Variants in EIF4G3 observed in about 807,000 individuals in gnomAD.
The protein encoded by EIF4G3 is eukaryotic translation initiation factor 4 gamma 3, also known as eIF-4-gamma 3.
EIF4G3 carries 34 observed loss-of-function variants against 186.4 expected under a neutral mutation model. The ratio of observed to expected loss-of-function variants is 0.18; its 90% confidence interval spans 0.14 to 0.24. The LOEUF is 0.24. Ranked by LOEUF, EIF4G3 falls within the 10% of genes least tolerant of loss-of-function variation. EIF4G3 has a pLI of 1.00. For synonymous variants in EIF4G3, 673 were observed against 679.5 expected (o/e 0.99, Z 0.15); for missense variants, 1,536 against 1,948.5 (o/e 0.79, Z 3.99).
At chr1:20,925,739 C>T (rs141870817) in intron 14 of EIF4G3, among the ~76,000 whole-genome samples, 52 of 152,320 alleles carry the variant, frequency 3.4e-4, no homozygotes, top group Admixed American at 5.9e-4. Flanking sequence ...TCTCTGTTGC[C>T]AAGGCTGATC....
At chr1:20,961,260 G>A (rs2096562918) in intron 12 of EIF4G3, among the ~76,000 whole-genome samples, 1 of 152,054 alleles carries the variant, frequency 6.6e-6, no homozygotes, top group South Asian at 2.1e-4. Flanking sequence ...GTGCATGCCT[G>A]TAATCCCAGC....
intron 20 of EIF4G3, among the ~76,000 whole-genome samples, chr1:20,869,440 C>A (rs1479782787): frequency 6.7e-6 from 1 of 149,640 alleles, no homozygotes; most frequent in African/African-American, 2.5e-5. Context: ...GGATTATAGG[C>A]ATGTGTCACT....
chr1:21,079,688 G>T (rs12037830), intron 3 of EIF4G3, among the ~76,000 whole-genome samples: 2 of 104,932 alleles, frequency 1.9e-5, no homozygotes, highest in Admixed American at 2.0e-4. Context: ...TGTCGCAAAA[G>T]AAAAAAAAAA....
intron 2 of EIF4G3, among the ~76,000 whole-genome samples, chr1:21,106,065 T>TC (rs1389490748): frequency 6.7e-6 from 1 of 149,806 alleles, no homozygotes; most frequent in Non-Finnish European, 1.5e-5. Flanking sequence ...AGACCCTGTC[T>TC]CTTTTTTTTT....
intron 12 of EIF4G3, among the ~76,000 whole-genome samples, chr1:20,967,171 G>A (rs1264451460): frequency 6.6e-6 from 1 of 152,126 alleles, no homozygotes; most frequent in Non-Finnish European, 1.5e-5. Context: ...AACCAAGCTT[G>A]GAAAGTTACA....
At chr1:21,157,362 GT>G (rs904825467) in intron 2 of EIF4G3, among the ~76,000 whole-genome samples, 8 of 150,496 alleles carry the variant, frequency 5.3e-5, no homozygotes, top group Admixed American at 2.7e-4. Context: ...TTTTCTTGTA[GT>G]TTTTTTTTGT....
intron 32 of EIF4G3, among the ~76,000 whole-genome samples, chr1:20,826,543 G>A (rs376617862): frequency 3.1e-5 from 4 of 128,036 alleles, no homozygotes; most frequent in Admixed American, 9.3e-5. Context: ...AGGCTGGAGC[G>A]CAGTGGCATG....
intron 3 of EIF4G3, among the ~76,000 whole-genome samples, chr1:21,078,900 G>A (rs554388174): frequency 5.9e-5 from 9 of 152,266 alleles, no homozygotes; most frequent in South Asian, 2.1e-4. Context: ...CAGGAGAATC[G>A]CTTGAACCCA....
intron 2 of EIF4G3, among the ~76,000 whole-genome samples, chr1:21,129,303 GAAACTCTATCTCAA>G (rs1326545991): frequency 1.4e-5 from 2 of 143,750 alleles, no homozygotes; most frequent in Non-Finnish European, 3.0e-5. Context: ...CAACAAGAGC[GAAACTCTATCTCAA>G]AAAAAAAAAA....
chr1:20,978,830 G>A (rs1469965687), intron 10 of EIF4G3, among the ~76,000 whole-genome samples: 2 of 151,896 alleles, frequency 1.3e-5, no homozygotes, highest in Non-Finnish European at 2.9e-5. Flanking sequence ...TATCAACCAA[G>A]GTAACAGAAA....
rs566402418 is a variant in EIF4G3, at chr1:20,903,176, C to A, written c.1752+1707G>T. ...GGCATACAAATTCACATTTCAATGT[C>A]CACCAATAAAGTTTTGTGAAGATAC... On this transcript the variant is annotated intron_variant, in intron 15 of 36. Coordinates refer to ENST00000602326, the MANE Select transcript of EIF4G3 (RefSeq NM_001391906.1). 2.8e-3 allele frequency among the ~76,000 whole-genome samples: 420 copies of A among 152,302 alleles called. 1 individual carries two copies. Among genetic ancestry groups the A allele is most frequent in the Non-Finnish European group, 4.4e-3 (299 of 68,024 alleles).
In EIF4G3 at chr1:21,016,724, G is replaced by A. The variant is rs192005239; in HGVS notation, c.-66-13916C>T. ...TGTAATCCCAGCACTCTGGGAGCCCGAGATAGGTGGTCAAGAGTTCAAGAC... is the reference window on the plus strand; with the variant it reads ...TGTAATCCCAGCACTCTGGGAGCCCAAGATAGGTGGTCAAGAGTTCAAGAC... On this transcript the variant is annotated intron_variant, in intron 4 of 36. Transcript: ENST00000602326. Among the ~76,000 whole-genome samples, 10 of 152,018 alleles carry A rather than the reference G, an allele frequency of 6.6e-5. No individual in the cohort carries two copies. In the East Asian group the frequency reaches 1.4e-3, roughly 21 times the overall value.
intron 8 of EIF4G3, among the ~76,000 whole-genome samples, chr1:20,981,655 A>C (rs1304218443): frequency 7.6e-6 from 1 of 131,144 alleles, no homozygotes; most frequent in African/African-American, 2.8e-5. Flanking sequence ...ATGTATACAT[A>C]CATGTATACG....
chr1:20,996,721 T>C (rs111237679), intron 7 of EIF4G3, among the ~76,000 whole-genome samples: 6 of 152,178 alleles, frequency 3.9e-5, no homozygotes, highest in Non-Finnish European at 8.8e-5. Context: ...GCTTACACTA[T>C]TTCTAAGGCA....
chr1:20,827,269 G>A (rs568871753), intron 32 of EIF4G3, among the ~76,000 whole-genome samples: 76 of 152,252 alleles, frequency 5.0e-4, no homozygotes, highest in African/African-American at 1.7e-3. Context: ...CTGACAGCCT[G>A]CCATAGACTG....
chr1:20,820,271 C>T (rs1002605025), intron 33 of EIF4G3, among the ~76,000 whole-genome samples: 18 of 151,424 alleles, frequency 1.2e-4, no homozygotes, highest in Middle Eastern at 3.4e-3. Flanking sequence ...AGGCAGGGGA[C>T]GGGAAAAGGG....
At chr1:20,861,712 G>A (rs1054959398) in intron 23 of EIF4G3, among the ~76,000 whole-genome samples, 2 of 152,170 alleles carry the variant, frequency 1.3e-5, no homozygotes, top group East Asian at 1.9e-4. Context: ...GGTGGCTCAC[G>A]CCTGTAATCC....
intron 7 of EIF4G3, among the ~76,000 whole-genome samples, chr1:20,985,515 CA>C (rs57715624): frequency 0.045 from 4,635 of 101,948 alleles, 142 homozygotes; most frequent in East Asian, 0.17. Flanking sequence ...ACTAGAAATG[CA>C]AAAAAAAAAA....
At chr1:20,883,722 GA>G (rs1354372206) in intron 19 of EIF4G3, among the ~76,000 whole-genome samples, 3 of 152,186 alleles carry the variant, frequency 2.0e-5, no homozygotes, top group African/African-American at 7.2e-5. Flanking sequence ...GATATTTTAT[GA>G]AGGAGAAAAC....
Sources: gnomAD v4.1 joint callset for allele counts (sites outside exome capture counted in the v4.1 genomes callset) on GRCh38, gnomAD v4.1.1 for gene constraint, MANE v1.5 for transcripts, NCBI Gene and HGNC (gene_info 2026-07-23, HGNC 2026-07-21) for gene names.